Variants in ACSL3 observed in about 807,000 individuals in gnomAD.
ACSL3 encodes the protein acyl-CoA synthetase long chain family member 3, also known as fatty acid CoA ligase Acsl3.
In ACSL3, 34 loss-of-function variants were observed where a neutral mutation model predicts 84.7. The ratio of observed to expected loss-of-function variants is 0.40; its 90% CI spans 0.31 to 0.53. The LOEUF (loss-of-function observed/expected upper bound fraction) is 0.53. Among genes scored for constraint, ACSL3 ranks in the 20% least tolerant of loss-of-function variants. The pLI is 0.48. For missense variants in ACSL3, 680 were observed against 873.1 expected, an observed-to-expected ratio of 0.78 and a Z score of 2.79; for synonymous variants, 315 against 299.4, an observed-to-expected ratio of 1.05 and a Z score of -0.54.
rs774609235 is a variant in ACSL3 at position 222,909,085 on chromosome 2, T to A, written c.313T>A (p.Leu105Met). 18 of 1,607,502 alleles carry A rather than the reference T, an allele frequency of 1.1e-5. No homozygotes were observed. The highest frequency in any genetic ancestry group is 1.4e-5 in the Non-Finnish European group (17 of 1,178,542). Reference sequence around the variant, plus strand: ...AAACAAATTTAAGAACAAAAGACTCTTGGGAACACGTGAAGTTTTAAATGA... The same window carrying A: ...AAACAAATTTAAGAACAAAAGACTCATGGGAACACGTGAAGTTTTAAATGA... Reference protein sequence around the residue: ...AKNKFKNKRLLGTREVLNEED... With the variant: ...AKNKFKNKRLMGTREVLNEED... Residue 105 changes from leucine (L) to methionine (M), a missense_variant, in exon 4 of 17, where the codon TTG becomes ATG. Leu to Met is a conservative substitution (Grantham distance 15). Around this residue, in one of 2 missense-constraint regions of ACSL3, gnomAD observed 333 missense variants for 347.5 expected, o/e 0.96. Coordinates refer to ENST00000357430, the MANE Select transcript of ACSL3 (RefSeq NM_004457.5).
intron 1 of ACSL3, among the ~76,000 whole-genome samples, chr2:222,874,144 T>A (rs574933498): frequency 1.7e-4 from 26 of 152,288 alleles, no homozygotes; most frequent in African/African-American, 5.1e-4. Flanking sequence ...TGCCTCAGCC[T>A]CCCGAGTAGC....
intron 3 of ACSL3, among the ~76,000 whole-genome samples, chr2:222,907,460 T>G (rs79003140): frequency 0.018 from 2,713 of 152,192 alleles, 66 homozygotes; most frequent in African/African-American, 0.054. Context: ...AGCTTCAGTT[T>G]TGTTTCTTCA....
rs1177997388 is a variant in ACSL3 at position 222,942,344 on chromosome 2, T to C, written c.*690T>C. The stretch of plus-strand genomic sequence containing the variant: ...ATAGCAAGAGAGGGTTATAGTTTAA[T>C]AGTAAGGGAGATAACACAGCATGTG... On this transcript the variant is annotated 3_prime_UTR_variant, in exon 17 of 17. Transcript: ENST00000357430. 2 of 189,172 alleles carry C rather than the reference T, an allele frequency of 1.1e-5. No individual in the cohort carries two copies. The highest frequency in any genetic ancestry group is 1.9e-3 in the Middle Eastern group (1 of 534). The allele number at this position is 189,172 out of a possible 1,614,324, so 11.7% of individuals were successfully genotyped here.
At chr2:222,904,107 A>G (rs1696230318) in intron 3 of ACSL3, among the ~76,000 whole-genome samples, 1 of 152,182 alleles carries the variant, frequency 6.6e-6, no homozygotes, top group South Asian at 2.1e-4. Flanking sequence ...CCCCGTCTCT[A>G]CTAAAAATAC....
In ACSL3 at chr2:222,908,799, A is replaced by G. The variant is rs373911521; in HGVS notation, c.27A>G (p.Pro9=). Residue 9 remains proline, a synonymous_variant, in exon 4 of 17, where the codon CCA becomes CCG. Transcript: ENST00000357430. ...TGAATAACCACGTGTCTTCAAAACC[A>G]TCTACCATGAAGCTAAAACATACCA... MNNHVSSK[P]STMKLKHTIN... is the part of the protein sequence containing the mutation. The G allele has an allele frequency of 5.6e-6, 9 of 1,602,136 alleles. No individual in the cohort carries two copies. In the African/African-American group the frequency reaches 1.2e-4, roughly 22 times the overall value.
intron 13 of ACSL3, 92 bp from the exon 14 acceptor site, chr2:222,930,529 A>G: frequency 8.0e-6 from 9 of 1,120,396 alleles, no homozygotes; most frequent in Non-Finnish European, 1.1e-5. Flanking sequence ...TTCTAATTGG[A>G]TTAAAATAAG....
At chr2:222,865,791 C>T (rs994770165) in intron 1 of ACSL3, among the ~76,000 whole-genome samples, 3 of 61,630 alleles carry the variant, frequency 4.9e-5, no homozygotes, top group African/African-American at 2.1e-4. Flanking sequence ...GATTTTGGAT[C>T]CTCTGTGTGT....
At chr2:222,911,538 T>C (rs1405125675) in intron 4 of ACSL3, among the ~76,000 whole-genome samples, 4 of 152,238 alleles carry the variant, frequency 2.6e-5, no homozygotes, top group African/African-American at 9.6e-5. Context: ...AGTCTAAGCA[T>C]ATATACAGAA....
chr2:222,908,441 A>T (rs1358310112), intron 3 of ACSL3, among the ~76,000 whole-genome samples: 1 of 152,172 alleles, frequency 6.6e-6, no homozygotes, highest in East Asian at 1.9e-4. Context: ...GTCTTCCCCC[A>T]ACCCTCTTTC....
At chr2:222,923,000 G>T in intron 9 of ACSL3, 78 bp from the exon 10 acceptor site, 1 of 1,359,214 alleles carries the variant, frequency 7.4e-7, no homozygotes, top group Non-Finnish European at 1.0e-6. Context: ...ATTTATAATA[G>T]GCTTTTTGAT....
At chr2:222,941,279 A>G (rs1289646489) in intron 16 of ACSL3, among the ~76,000 whole-genome samples, 3 of 151,932 alleles carry the variant, frequency 2.0e-5, no homozygotes, top group African/African-American at 7.2e-5. Context: ...TTCCTATATC[A>G]TATTTTATTT....
chr2:222,897,991 T>TCTGC (rs1308467937), intron 2 of ACSL3, among the ~76,000 whole-genome samples: 5 of 152,214 alleles, frequency 3.3e-5, no homozygotes, highest in Non-Finnish European at 5.9e-5. Context: ...TTACTGTCTT[T>TCTGC]CTGCCCTTTC....
chr2:222,896,380 A>C (rs1301105226), intron 2 of ACSL3, among the ~76,000 whole-genome samples: 2 of 8,720 alleles, frequency 2.3e-4, no homozygotes, highest in African/African-American at 3.6e-4. Context: ...CGGGGGGCTG[A>C]CCCCCCCACC....
chr2:222,931,746 A>C (rs1697036455), intron 14 of ACSL3, among the ~76,000 whole-genome samples: 1 of 152,210 alleles, frequency 6.6e-6, no homozygotes, highest in African/African-American at 2.4e-5. Flanking sequence ...AGCTCAGTTC[A>C]GGGTGCCCCT....
At chr2:222,931,836 GTTC>G (rs1406889913) in intron 14 of ACSL3, among the ~76,000 whole-genome samples, 4 of 152,226 alleles carry the variant, frequency 2.6e-5, no homozygotes, top group African/African-American at 9.6e-5. Context: ...TAGAGCTGAT[GTTC>G]TTCTGGCTTT....
In ACSL3 at chr2:222,878,986, G is replaced by C. The variant is rs931548147; in HGVS notation, c.-206-8844G>C. Among the ~76,000 whole-genome samples, 3 of 152,222 alleles carry C rather than the reference G, an allele frequency of 2.0e-5. No individual in the cohort carries two copies. The East Asian group carries it at 5.8e-4, about 29-fold the overall frequency. On this transcript the variant is annotated intron_variant, in intron 1 of 16. Transcript: ENST00000357430. ...TGGAATCCCTTTCGGTTTATTTTCT[G>C]TGTTGACCCAAGTAATCATTCTTAA...
rs113679947 is a variant in ACSL3, at chr2:222,899,931, C to T, written c.-147-743C>T. On this transcript the variant is annotated intron_variant, in intron 2 of 16. Transcript: ENST00000357430. Reference sequence around the variant, plus strand: ...ATTTGTTCCCTTAACTGGAAACACCCGGAGGCTCGGAATGCCTAATTTTCT... The same window carrying T: ...ATTTGTTCCCTTAACTGGAAACACCTGGAGGCTCGGAATGCCTAATTTTCT... Among the ~76,000 whole-genome samples the T allele has an allele frequency of 4.5e-3, 690 of 152,190 alleles. 2 individuals carry two copies. The highest frequency in any genetic ancestry group is 0.01 in the Middle Eastern group (3 of 294).
At chr2:222,924,344 A>G (rs536991758) in intron 10 of ACSL3, 112 bp from the exon 11 acceptor site, 2 of 945,452 alleles carry the variant, frequency 2.1e-6, no homozygotes, top group African/African-American at 1.7e-5. Context: ...ACAGTTGAAG[A>G]GTACTTCTTT....
intron 4 of ACSL3, among the ~76,000 whole-genome samples, chr2:222,914,233 ACGTGTGTGTGTGTGTGTGTG>A (rs1696517438): frequency 1.0e-5 from 1 of 95,796 alleles, no homozygotes. Flanking sequence ...GTGTGTGTGT[ACGTGTGTGTGTGTGTGTGTG>A]TGTGTGTGTG....
Sources: allele counts gnomAD v4.1 joint callset (sites outside exome capture counted in the v4.1 genomes callset), GRCh38; gene constraint gnomAD v4.1.1; regional missense constraint gnomAD v4.1.1; transcripts MANE v1.5; gene names NCBI Gene and HGNC (gene_info 2026-07-23, HGNC 2026-07-21).